Variants in TENT5D observed in about 807,000 individuals in gnomAD.
The protein encoded by TENT5D is cancer/testis antigen 112.
For missense variants in TENT5D, 191 were observed against 287.0 expected (o/e 0.67, Z 2.42); for synonymous variants, 103 against 100.6 (o/e 1.02, Z -0.15).
chrX:80,339,243 G>A lies in TENT5D; in HGVS notation c.-206-3257G>A, dbSNP rs775794742. On this transcript the variant is annotated intron_variant, in intron 2 of 4. Transcript: ENST00000538312. ...ACAAATAAGACCACTTCTGTTGCTT[G>A]GTTTCTATAGCTCAGGTGCCCATTT... Among the ~76,000 whole-genome samples, 6 of 111,094 alleles carry A rather than the reference G, an allele frequency of 5.4e-5. No homozygotes were observed. In the South Asian group the frequency reaches 2.3e-3, roughly 42 times the overall value.
chrX:80,391,038 G>A (rs894021327), intron 3 of TENT5D, among the ~76,000 whole-genome samples: 5 of 111,921 alleles, frequency 4.5e-5, no homozygotes, highest in Admixed American at 1.9e-4. Context: ...TCTTTGGAAA[G>A]CTAATATTCA....
At chrX:80,415,162 A>C (rs1931744185) in intron 3 of TENT5D, among the ~76,000 whole-genome samples, 1 of 111,775 alleles carries the variant, frequency 8.9e-6, no homozygotes, top group Non-Finnish European at 1.9e-5. Context: ...GATTTGATGA[A>C]GTTGTTTATC....
chrX:80,354,548 T>C (rs1315143493), intron 3 of TENT5D, among the ~76,000 whole-genome samples: 7 of 112,183 alleles, frequency 6.2e-5, no homozygotes, highest in Non-Finnish European at 1.3e-4. Context: ...TTCAGTTTGG[T>C]TCTTTCTTAA....
intron 1 of TENT5D, among the ~76,000 whole-genome samples, chrX:80,424,555 T>C (rs1036232905): frequency 1.8e-5 from 2 of 112,284 alleles, no homozygotes; most frequent in African/African-American, 6.5e-5. Flanking sequence ...GATTGCTGGT[T>C]GATTTACAGA....
intron 2 of TENT5D, among the ~76,000 whole-genome samples, chrX:80,338,411 AGTATCTTAACTCAGCAGCTATT>A (rs1299698687): frequency 8.9e-6 from 1 of 112,392 alleles, no homozygotes; most frequent in African/African-American, 3.2e-5. Flanking sequence ...GAACCAATAC[AGTATCTTAACTCAGCAGCTATT>A]GAACATGTTA....
At chrX:80,352,410 G>T (rs1282120203) in intron 3 of TENT5D, among the ~76,000 whole-genome samples, 1 of 111,460 alleles carries the variant, frequency 9.0e-6, no homozygotes, top group East Asian at 2.8e-4. Flanking sequence ...GCTTTGCCAC[G>T]CTTTGTTGAG....
chrX:80,365,630 C>A lies in TENT5D; in HGVS notation c.-142+23066C>A, dbSNP rs980442898. On this transcript the variant is annotated intron_variant, in intron 3 of 4. Transcript: ENST00000538312. Reference sequence around the variant, plus strand: ...CCGAGGCGGGTGGATCACTTGAGGTCAGGAGTTCGAGACCAGCCTGGCCCA... The same window carrying A: ...CCGAGGCGGGTGGATCACTTGAGGTAAGGAGTTCGAGACCAGCCTGGCCCA... Among the ~76,000 whole-genome samples the A allele has an allele frequency of 4.5e-5, 5 of 110,617 alleles. No individual in the cohort carries two copies. The Admixed American group carries it at 4.9e-4, about 11-fold the overall frequency.
chrX:80,369,656 T>G (rs1930581764), intron 3 of TENT5D, among the ~76,000 whole-genome samples: 1 of 112,254 alleles, frequency 8.9e-6, no homozygotes, highest in Admixed American at 9.5e-5. Flanking sequence ...TCTATATTTT[T>G]TAAAAAATAA....
At chrX:80,436,392 C>T (rs1932182124) in intron 1 of TENT5D, among the ~76,000 whole-genome samples, 1 of 110,917 alleles carries the variant, frequency 9.0e-6, no homozygotes, top group African/African-American at 3.3e-5. Flanking sequence ...CAATCTCATT[C>T]TTTTTTATTA....
At chrX:80,442,245 A>T (rs887330700) in intron 2 of TENT5D, among the ~76,000 whole-genome samples, 10 of 111,517 alleles carry the variant, frequency 9.0e-5, no homozygotes, top group East Asian at 2.8e-4. Context: ...AAGCAAGATT[A>T]AAAAAGGCTA....
intron 3 of TENT5D, among the ~76,000 whole-genome samples, chrX:80,346,854 G>C (rs1930073209): frequency 9.1e-6 from 1 of 110,051 alleles, no homozygotes; most frequent in Non-Finnish European, 1.9e-5. Flanking sequence ...ACAGGCCCTG[G>C]TGTGTGATGT....
At chrX:80,382,076 C>T (rs1244539309) in intron 3 of TENT5D, among the ~76,000 whole-genome samples, 1 of 112,024 alleles carries the variant, frequency 8.9e-6, no homozygotes, top group Non-Finnish European at 1.9e-5. Flanking sequence ...TCTGGTTTCT[C>T]CCCATCTTTG....
intron 3 of TENT5D, among the ~76,000 whole-genome samples, chrX:80,390,303 A>G (rs1482478133): frequency 9.0e-6 from 1 of 111,534 alleles, no homozygotes; most frequent in Non-Finnish European, 1.9e-5. Flanking sequence ...AATAAACTAT[A>G]GAAGTTTAGT....
intron 2 of TENT5D, among the ~76,000 whole-genome samples, chrX:80,339,294 T>A (rs1429643080): frequency 9.0e-6 from 1 of 111,563 alleles, no homozygotes; most frequent in Non-Finnish European, 1.9e-5. Context: ...TGAGGACTTA[T>A]TCTAGCTGAC....
At chrX:80,368,801 A>G (rs1930561719) in intron 3 of TENT5D, among the ~76,000 whole-genome samples, 1 of 112,140 alleles carries the variant, frequency 8.9e-6, no homozygotes, top group African/African-American at 3.2e-5. Flanking sequence ...GACACTGAAG[A>G]TGACAACTGT....
chrX:80,419,193 A>C (rs1015746936), upstream of TENT5D, among the ~76,000 whole-genome samples: 6 of 111,649 alleles, frequency 5.4e-5, no homozygotes, highest in African/African-American at 1.9e-4. Context: ...AAAGTTTAAA[A>C]TTAAAAACTT....
At chrX:80,412,000 G>A (rs1164743047) in intron 3 of TENT5D, among the ~76,000 whole-genome samples, 1 of 112,208 alleles carries the variant, frequency 8.9e-6, no homozygotes, top group African/African-American at 3.2e-5. Flanking sequence ...TAACAGAGGG[G>A]CCCCACCCCT....
At chrX:80,393,198 G>T (rs1465301517) in intron 3 of TENT5D, among the ~76,000 whole-genome samples, 1 of 110,850 alleles carries the variant, frequency 9.0e-6, no homozygotes, top group Non-Finnish European at 1.9e-5. Flanking sequence ...TCTGTGATTT[G>T]ATGTATTTTC....
intron 3 of TENT5D, among the ~76,000 whole-genome samples, chrX:80,370,532 T>C (rs771631468): frequency 1.1e-4 from 12 of 112,174 alleles, no homozygotes; most frequent in Non-Finnish European, 2.1e-4. Flanking sequence ...ATATGCAATT[T>C]TGCATACAGT....
Sources: gnomAD v4.1 joint callset for allele counts (sites outside exome capture counted in the v4.1 genomes callset) on GRCh38, gnomAD v4.1.1 for gene constraint, MANE v1.5 for transcripts, NCBI Gene and HGNC (gene_info 2026-07-23, HGNC 2026-07-21) for gene names.